TGM2: variants seen among roughly 807,000 people sequenced by gnomAD.
The protein encoded by TGM2 is transglutaminase 2.
TGM2 carries 53 observed loss-of-function variants against 75.6 expected under a neutral mutation model. The observed-to-expected ratio is 0.70, with a 90% CI of 0.56 to 0.88. The LOEUF (loss-of-function observed/expected upper bound fraction) is 0.88, where lower values mean the gene tolerates loss of function less well. Among genes scored for constraint, TGM2 ranks in the 40% least tolerant of loss-of-function variants. TGM2 has a pLI of 0.00. For missense variants in TGM2, 842 were observed against 928.5 expected, an observed-to-expected ratio of 0.91 and a Z score of 1.21; for synonymous variants, 374 against 381.1, an observed-to-expected ratio of 0.98 and a Z score of 0.22.
intron 3 of TGM2, among the ~76,000 whole-genome samples, chr20:38,154,468 T>C (rs2075157071): frequency 6.6e-6 from 1 of 152,190 alleles, no homozygotes; most frequent in African/African-American, 2.4e-5. Context: ...AATCGAGGCC[T>C]GGGGAGGTGA....
At chr20:38,155,127 C>CAA (rs2122949563) in intron 3 of TGM2, among the ~76,000 whole-genome samples, 1 of 151,882 alleles carries the variant, frequency 6.6e-6, no homozygotes, top group East Asian at 1.9e-4. Context: ...CAAAACAAAA[C>CAA]AAAAAACACA....
At chr20:38,165,447 G>T (rs1244815581), upstream of TGM2, 1 of 577,720 alleles carries the variant, frequency 1.7e-6, no homozygotes, top group Non-Finnish European at 3.0e-6. Flanking sequence ...GCCGGACGAG[G>T]GCGCCCCCTG....
chr20:38,162,792 G>A (rs142257118), intron 1 of TGM2, among the ~76,000 whole-genome samples: 117 of 152,326 alleles, frequency 7.7e-4, no homozygotes, highest in Non-Finnish European at 1.4e-3. Context: ...ATGAAGGTGC[G>A]CAGGGGCAGG....
intron 6 of TGM2, among the ~76,000 whole-genome samples, chr20:38,144,040 A>C (rs1383960589): frequency 6.6e-6 from 1 of 152,160 alleles, no homozygotes; most frequent in Admixed American, 6.5e-5. Context: ...TGGTGTCCTA[A>C]CCACAGGTCT....
rs2122916087 is a variant in TGM2, at chr20:38,148,214, C to A, written c.553-125G>T. On this transcript the variant is annotated intron_variant, in intron 4 of 12. Coordinates refer to ENST00000361475, the MANE Select transcript of TGM2 (RefSeq NM_004613.4). Reference sequence around the variant, plus strand: ...CACACAGCAGACTGGGACACTCCGGCCGAGTCTACCAAATCTCTCTGGTGG... The same window carrying A: ...CACACAGCAGACTGGGACACTCCGGACGAGTCTACCAAATCTCTCTGGTGG... 13 of 1,268,300 alleles carry A rather than the reference C, an allele frequency of 1.0e-5. No individual in the cohort carries two copies. The South Asian group carries it at 1.5e-4, about 15-fold the overall frequency. The allele number at this position is 1,268,300 out of a possible 1,614,324, so 78.6% of individuals were successfully genotyped here. A position where few individuals can be genotyped will look rare whatever the true frequency, so the allele number is the denominator to read the frequency against.
chr20:38,154,949 T>C (rs546544946), intron 3 of TGM2, among the ~76,000 whole-genome samples: 21 of 152,144 alleles, frequency 1.4e-4, no homozygotes, highest in African/African-American at 5.1e-4. Flanking sequence ...CTACTAAAAA[T>C]ACAAAAATTA....
chr20:38,156,216 CA>C lies in TGM2; in HGVS notation c.191-128del, dbSNP rs1425694965. On this transcript the variant is annotated intron_variant, in intron 2 of 12. Transcript: ENST00000361475. ...CCACTAACCACTGAAATAAGTTTGG[CA>C]AGAAGTTTGTCTCCCTGAGCCTCAG... The C allele has an allele frequency of 4.8e-6, 6 of 1,255,694 alleles. No individual in the cohort carries two copies. In the African/African-American group the frequency reaches 8.9e-5, roughly 19 times the overall value. 77.8% of individuals were successfully genotyped at this position (1,255,694 alleles called of 1,614,324 possible).
intron 10 of TGM2, 34 bp downstream of exon 10, chr20:38,138,079 G>A (rs201729489): frequency 1.9e-5 from 30 of 1,554,546 alleles, no homozygotes; most frequent in Admixed American, 3.8e-5. Context: ...GTCAGTTGGC[G>A]GTCAACAAAT....
At chr20:38,154,504 T>G (rs1240228671) in intron 3 of TGM2, among the ~76,000 whole-genome samples, 1 of 152,228 alleles carries the variant, frequency 6.6e-6, no homozygotes, top group African/African-American at 2.4e-5. Context: ...TCCTCCCCCT[T>G]GCTCAAGTCA....
intron 8 of TGM2, among the ~76,000 whole-genome samples, chr20:38,140,972 C>T (rs1250369435): frequency 1.3e-5 from 2 of 152,072 alleles, no homozygotes; most frequent in African/African-American, 2.4e-5. Flanking sequence ...TACAAATACA[C>T]GATTTGAAAT....
chr20:38,130,213 G>A lies in TGM2; in HGVS notation c.*6C>T. On this transcript the variant is annotated 3_prime_UTR_variant, in exon 13 of 13. Coordinates refer to ENST00000361475, the MANE Select transcript of TGM2 (RefSeq NM_004613.4). ...GGGCTCTCAGCAGGCTGGGAGCAGG[G>A]GTCCCTTAGGCGGGGCCAATGATGA... is the stretch of plus-strand genomic sequence containing the variant. The A allele has an allele frequency of 6.2e-7, 1 of 1,613,300 alleles. No individual in the cohort carries two copies. The highest frequency in any genetic ancestry group is 8.5e-7 in the Non-Finnish European group (1 of 1,179,874).
intron 2 of TGM2, among the ~76,000 whole-genome samples, chr20:38,158,186 G>A (rs1239087706): frequency 2.0e-5 from 3 of 152,230 alleles, no homozygotes; most frequent in African/African-American, 7.2e-5. Flanking sequence ...GTCACCCTTG[G>A]GGACAAGTCA....
Position 38,165,244 on chromosome 20 carries a change from C to T in TGM2, c.-46G>A. 6.2e-7 allele frequency: 1 copy of T among 1,611,498 alleles called. No individual in the cohort carries two copies. Among genetic ancestry groups the T allele is most frequent in the Non-Finnish European group, 8.5e-7 (1 of 1,179,784 alleles). Reference sequence around the variant, plus strand: ...TCCTTCCACTGGCGGCGAGACCCTCCAAGTGCGACCACTGGCGGCTGGCAC... The same window carrying T: ...TCCTTCCACTGGCGGCGAGACCCTCTAAGTGCGACCACTGGCGGCTGGCAC... On this transcript the variant is annotated 5_prime_UTR_variant, in exon 1 of 13. Transcript: ENST00000361475.
At chr20:38,164,366 G>A (rs556261995) in intron 1 of TGM2, among the ~76,000 whole-genome samples, 1 of 152,322 alleles carries the variant, frequency 6.6e-6, no homozygotes, top group African/African-American at 2.4e-5. Flanking sequence ...TGGGATTCTG[G>A]GTCCAGCAGT....
chr20:38,150,146 T>C (rs1423717082), intron 4 of TGM2, among the ~76,000 whole-genome samples: 1 of 152,152 alleles, frequency 6.6e-6, no homozygotes, highest in Non-Finnish European at 1.5e-5. Context: ...TTTGTACAGG[T>C]GGCTGGATGA....
Position 38,156,014 on chromosome 20 carries a change from G to T in TGM2, c.266C>A (p.Thr89Lys), listed in dbSNP as rs1600514129. The change falls in exon 3 of 13, where the codon ACA (threonine) becomes AAA (lysine). Residue 89 changes from threonine (T) to lysine (K), a missense_variant. Physicochemically the swap from Thr to Lys is moderately conservative, Grantham distance 78. Transcript: ENST00000361475. ...GTCTTGCTGGTCCACCACGGTGGCT[G>T]TCCAGTCACCCTCCTCCACAGCATC... is the stretch of plus-strand genomic sequence containing the variant. ...LRDAVEEGDW[T>K]ATVVDQQDCT... 3 of 1,613,806 alleles carry T rather than the reference G, an allele frequency of 1.9e-6. No homozygotes were observed. The highest frequency in any genetic ancestry group is 2.5e-6 in the Non-Finnish European group (3 of 1,179,950).
chr20:38,130,453 CT>C, intron 12 of TGM2, 84 bp from the exon 13 acceptor site: 4 of 1,439,832 alleles, frequency 2.8e-6, no homozygotes, highest in Non-Finnish European at 3.8e-6. Context: ...GTCACGTGAC[CT>C]CCGAGGATCA....
intron 9 of TGM2, among the ~76,000 whole-genome samples, chr20:38,138,902 C>G (rs2074934367): frequency 6.6e-6 from 1 of 152,082 alleles, no homozygotes; most frequent in African/African-American, 2.4e-5. Flanking sequence ...GGGTGCATAT[C>G]TATTTATTCT....
intron 10 of TGM2, among the ~76,000 whole-genome samples, chr20:38,137,282 C>T (rs542918896): frequency 5.3e-4 from 81 of 152,130 alleles, no homozygotes; most frequent in Non-Finnish European, 7.2e-4. Context: ...GCCAGGAGTC[C>T]GAGACCAGCC....
Sources: allele counts gnomAD v4.1 joint callset (sites outside exome capture counted in the v4.1 genomes callset), GRCh38; gene constraint gnomAD v4.1.1; transcripts MANE v1.5; gene names NCBI Gene and HGNC (gene_info 2026-07-23, HGNC 2026-07-21).